Variants in DAB1 observed in about 807,000 individuals in gnomAD.
DAB1 encodes the protein disabled homolog 1.
DAB1 carries 15 observed loss-of-function variants against 64.6 expected under a neutral mutation model. The ratio of observed to expected loss-of-function variants is 0.23; its 90% confidence interval spans 0.16 to 0.36. DAB1 has a LOEUF of 0.36. Ranked by LOEUF, DAB1 falls within the 10% of genes least tolerant of loss-of-function variation. The pLI is 1.00. For synonymous variants in DAB1, 235 were observed against 251.9 expected (o/e 0.93, Z 0.64); for missense variants, 596 against 706.7 (o/e 0.84, Z 1.78).
chr1:57,395,530 C>T (rs1284586460), intron 1 of DAB1, among the ~76,000 whole-genome samples: 15 of 152,206 alleles, frequency 9.9e-5, no homozygotes, highest in Non-Finnish European at 1.6e-4. Context: ...TGACACCCTA[C>T]TTAATCTTCA....
intron 5 of DAB1, among the ~76,000 whole-genome samples, chr1:58,086,633 A>G (rs1386394624): frequency 1.3e-5 from 2 of 151,738 alleles, no homozygotes; most frequent in Non-Finnish European, 1.5e-5. Flanking sequence ...TCTGGCCATC[A>G]TGCCCCATCT....
chr1:58,478,707 T>C (rs1645443554), intron 3 of DAB1, among the ~76,000 whole-genome samples: 1 of 152,162 alleles, frequency 6.6e-6, no homozygotes, highest in Non-Finnish European at 1.5e-5. Flanking sequence ...TAGCAGTAAA[T>C]ATACACACTG....
rs1661731583 is a variant in DAB1 at position 58,288,038 on chromosome 1, A to AAAAG, written n.309+55313_309+55314insCTTT. On this transcript the variant is annotated intron_variant and non_coding_transcript_variant, in intron 4 of 20. Transcript: ENST00000485760. ...CTGCCTCAAAAAAAAAAAAAAAAAA[A>AAAAG]AAAAAAAGAAAAAAAAGAGCAGCAA... 3.7e-4 allele frequency among the ~76,000 whole-genome samples: 45 copies of AAAAG among 122,652 alleles called. 1 individual carries two copies. Among genetic ancestry groups the AAAAG allele is most frequent in the South Asian group, 1.0e-3 (4 of 3,824 alleles). The allele number at this position is 122,652 out of a possible 152,430, so 80.5% of individuals were successfully genotyped here. A position where few individuals can be genotyped will look rare whatever the true frequency, so the allele number is the denominator to read the frequency against.
chr1:57,208,879 A>G (rs1284819924), intron 2 of DAB1, among the ~76,000 whole-genome samples: 9 of 152,216 alleles, frequency 5.9e-5, no homozygotes. Flanking sequence ...AGACTGTGAA[A>G]CAGAAACCTT....
At chr1:57,012,249 A>G (rs1270545030) in intron 12 of DAB1, among the ~76,000 whole-genome samples, 9 of 152,238 alleles carry the variant, frequency 5.9e-5, no homozygotes. Flanking sequence ...TACTCTGATG[A>G]ATCTATATAT....
At chr1:57,331,252 ACTTACCAT>A (rs1676645262) in intron 1 of DAB1, among the ~76,000 whole-genome samples, 2 of 152,250 alleles carry the variant, frequency 1.3e-5, no homozygotes, top group South Asian at 4.1e-4. Context: ...ATTGGTGTGC[ACTTACCAT>A]ATGCCAAAGA....
intron 7 of DAB1, among the ~76,000 whole-genome samples, chr1:57,546,272 T>G (rs1453472142): frequency 6.6e-6 from 1 of 152,176 alleles, no homozygotes; most frequent in Non-Finnish European, 1.5e-5. Flanking sequence ...TTAAGGTGTC[T>G]GTTAAAGCAT....
intron 7 of DAB1, among the ~76,000 whole-genome samples, chr1:57,575,856 A>G (rs575461180): frequency 6.6e-6 from 1 of 152,264 alleles, no homozygotes; most frequent in Admixed American, 6.5e-5. Flanking sequence ...TGCTCTCATG[A>G]AGTTGATATA....
At chr1:58,179,096 G>A (rs1192267889) in intron 4 of DAB1, among the ~76,000 whole-genome samples, 3 of 151,632 alleles carry the variant, frequency 2.0e-5, no homozygotes, top group Admixed American at 6.6e-5. Flanking sequence ...TGATTATAAG[G>A]TTTTTGTCCT....
At chr1:57,591,992 C>T (rs1377916923) in intron 7 of DAB1, among the ~76,000 whole-genome samples, 2 of 152,136 alleles carry the variant, frequency 1.3e-5, no homozygotes. Flanking sequence ...AGATAAGTTA[C>T]AAATAAGCCC....
chr1:58,112,713 A>G (rs920936589), intron 5 of DAB1, among the ~76,000 whole-genome samples: 11 of 152,188 alleles, frequency 7.2e-5, no homozygotes, highest in African/African-American at 2.7e-4. Flanking sequence ...ATGTTTCCTA[A>G]ATGAATGATG....
intron 4 of DAB1, among the ~76,000 whole-genome samples, chr1:58,323,697 G>C (rs1048318350): frequency 1.3e-5 from 2 of 151,898 alleles, no homozygotes; most frequent in South Asian, 4.2e-4. Flanking sequence ...AGGTGGCGGC[G>C]GGCAGATCAT....
upstream of DAB1, among the ~76,000 whole-genome samples, chr1:57,886,007 AGTTT>A (rs1309941467): frequency 6.6e-6 from 1 of 152,182 alleles, no homozygotes; most frequent in Non-Finnish European, 1.5e-5. Flanking sequence ...TAATCAAATT[AGTTT>A]ATTTACTTTT....
chr1:58,221,813 G>A (rs1659185272), intron 4 of DAB1, among the ~76,000 whole-genome samples: 1 of 152,154 alleles, frequency 6.6e-6, no homozygotes, highest in African/African-American at 2.4e-5. Flanking sequence ...ACCTCTCTGG[G>A]TCTTATAGCA....
intron 4 of DAB1, among the ~76,000 whole-genome samples, chr1:57,102,760 A>T (rs1654796576): frequency 6.6e-6 from 1 of 152,174 alleles, no homozygotes; most frequent in South Asian, 2.1e-4. Flanking sequence ...AATGGAAAAA[A>T]AATGTTTTTC....
At chr1:58,156,402 TTTC>T (rs1424942248) in intron 4 of DAB1, among the ~76,000 whole-genome samples, 1 of 152,202 alleles carries the variant, frequency 6.6e-6, no homozygotes, top group Non-Finnish European at 1.5e-5. Context: ...GTGTAGCTAG[TTTC>T]TTATGGCATG....
At chr1:58,228,769 T>C in intron 4 of DAB1, 1 of 872,204 alleles carries the variant, frequency 1.1e-6, no homozygotes, top group South Asian at 1.3e-5. Context: ...TAGGTGGTTA[T>C]GCAAACAAGA....
rs540647469 is a variant in DAB1, at chr1:58,218,095, G to A, written n.310-67507C>T. On this transcript the variant is annotated intron_variant and non_coding_transcript_variant, in intron 4 of 20. Transcript: ENST00000485760. ...GCAGAGTACTGGTGAGATGGTACAG[G>A]GATAAAATACTCTATCCTTGCCTTC... Among the ~76,000 whole-genome samples, 3 of 152,152 alleles carry A rather than the reference G, an allele frequency of 2.0e-5. No homozygotes were observed. The South Asian group carries it at 6.2e-4, about 32-fold the overall frequency.
At chr1:57,939,466 T>C (rs1645072346) in intron 5 of DAB1, among the ~76,000 whole-genome samples, 1 of 152,234 alleles carries the variant, frequency 6.6e-6, no homozygotes, top group South Asian at 2.1e-4. Context: ...TTCTCTCTCA[T>C]CTTCAAAACT....
Sources: gnomAD v4.1 joint callset for allele counts (sites outside exome capture counted in the v4.1 genomes callset) on GRCh38, gnomAD v4.1.1 for gene constraint, MANE v1.5 for transcripts, NCBI Gene and HGNC (gene_info 2026-07-23, HGNC 2026-07-21) for gene names.